GPHN: variants seen among roughly 807,000 people sequenced by gnomAD.
The protein encoded by GPHN is gephyrin.
Under a neutral mutation model 95.5 loss-of-function variants are expected in GPHN, and 17 were observed. The observed-to-expected ratio is 0.18, with a 90% CI of 0.12 to 0.27. The LOEUF is 0.27. GPHN is among the 10% of genes least tolerant of loss of function. GPHN has a pLI of 1.00. For synonymous variants in GPHN, 320 were observed against 322.5 expected (o/e 0.99, Z 0.08); for missense variants, 660 against 978.1 (o/e 0.67, Z 4.34).
chr14:67,079,010 T>C (rs2076594491), intron 11 of GPHN, among the ~76,000 whole-genome samples: 1 of 152,102 alleles, frequency 6.6e-6, no homozygotes, highest in African/African-American at 2.4e-5. Flanking sequence ...TTACCTTAAA[T>C]ATAGCAACCA....
chr14:67,116,229 C>T (rs1595208476), intron 16 of GPHN, among the ~76,000 whole-genome samples: 2 of 150,542 alleles, frequency 1.3e-5, no homozygotes, highest in Admixed American at 6.6e-5. Context: ...ATGACCATTC[C>T]ACTGTACTAC....
intron 1 of GPHN, among the ~76,000 whole-genome samples, chr14:66,622,677 C>T (rs910645051): frequency 6.6e-6 from 1 of 152,156 alleles, no homozygotes; most frequent in Non-Finnish European, 1.5e-5. Flanking sequence ...CAAAGTTCCA[C>T]AGATCTCTGG....
chr14:67,045,909 A>G (rs999862581), intron 10 of GPHN, among the ~76,000 whole-genome samples: 1 of 152,092 alleles, frequency 6.6e-6, no homozygotes, highest in Non-Finnish European at 1.5e-5. Context: ...TGAATTCTTA[A>G]CTTTAGAAAC....
chr14:67,086,062 A>G (rs544898935), intron 11 of GPHN, among the ~76,000 whole-genome samples: 1 of 152,328 alleles, frequency 6.6e-6, no homozygotes, highest in South Asian at 2.1e-4. Flanking sequence ...AAGGCTAAAT[A>G]ATATTTCTGT....
the GPHN span, among the ~76,000 whole-genome samples, chr14:67,328,754 T>G: frequency 6.6e-6 from 1 of 152,248 alleles, no homozygotes; most frequent in African/African-American, 2.4e-5. Context: ...CCATTTCTTC[T>G]TTTTGTCAGG....
At chr14:67,692,305 G>T in the GPHN span, 1 of 855,606 alleles carries the variant, frequency 1.2e-6, no homozygotes, top group Non-Finnish European at 1.8e-6. Flanking sequence ...CAGTGACTAT[G>T]AGTTCAGCTA....
At chr14:67,473,234 C>A in the GPHN span, 1 of 745,708 alleles carries the variant, frequency 1.3e-6, no homozygotes. This position sits in a 1 kb window ranked among gnomAD's most constrained non-coding sequence, Gnocchi z 6.5. Context: ...ACACCCCATC[C>A]CCCAACACCT....
chr14:67,504,706 G>A, the GPHN span, among the ~76,000 whole-genome samples: 1 of 152,152 alleles, frequency 6.6e-6, no homozygotes, highest in Non-Finnish European at 1.5e-5. Flanking sequence ...CCAACTTGGT[G>A]AAACCCTGTC....
chr14:67,204,692 C>G, the GPHN span: 5 of 1,613,920 alleles, frequency 3.1e-6, no homozygotes, highest in Non-Finnish European at 4.2e-6. Flanking sequence ...GCCCTCATCT[C>G]CCTCTTGAAT....
chr14:66,792,098 C>T (rs113382200), intron 3 of GPHN, among the ~76,000 whole-genome samples: 1,889 of 152,228 alleles, frequency 0.012, 18 homozygotes, highest in Non-Finnish European at 0.018. Flanking sequence ...CTCCACCTGG[C>T]GCTGCCCATG....
chr14:67,539,976 G>A, the GPHN span, among the ~76,000 whole-genome samples: 2 of 152,194 alleles, frequency 1.3e-5, no homozygotes, highest in Admixed American at 6.5e-5. Context: ...GGAGAAGCAC[G>A]ATTGGTGATT....
At chr14:66,862,266 A>G (rs2063054224) in intron 4 of GPHN, among the ~76,000 whole-genome samples, 2 of 152,076 alleles carry the variant, frequency 1.3e-5, no homozygotes, top group African/African-American at 4.8e-5. Flanking sequence ...CTAGACAGAT[A>G]CAACCTATCA....
chr14:67,574,053 A>C, the GPHN span, among the ~76,000 whole-genome samples: 2 of 152,196 alleles, frequency 1.3e-5, no homozygotes, highest in African/African-American at 2.4e-5. This position sits in a 1 kb window ranked among gnomAD's most constrained non-coding sequence, Gnocchi z 4.2. Flanking sequence ...GATGAGACAG[A>C]ATATGAGAGA....
At chr14:67,515,630 C>T in the GPHN span, 2 of 152,312 alleles carry the variant, frequency 1.3e-5, no homozygotes, top group African/African-American at 4.8e-5. Context: ...CTGCCAGGGC[C>T]GCGGCGCAGG....
At chr14:67,399,540 TAAAG>T in the GPHN span, among the ~76,000 whole-genome samples, 1 of 141,606 alleles carries the variant, frequency 7.1e-6, no homozygotes, top group African/African-American at 2.7e-5. Flanking sequence ...GTGGCAGAAA[TAAAG>T]AGAAGGGTAG....
intron 15 of GPHN, among the ~76,000 whole-genome samples, chr14:67,112,502 T>C (rs1356371905): frequency 6.6e-6 from 1 of 152,166 alleles, no homozygotes; most frequent in Admixed American, 6.5e-5. Flanking sequence ...CACACCAAGG[T>C]TAATGTACCT....
intron 21 of GPHN, 66 bp from the exon 22 acceptor site, chr14:67,179,512 C>G: frequency 1.1e-6 from 1 of 906,478 alleles, no homozygotes; most frequent in Non-Finnish European, 1.9e-6. Flanking sequence ...ACAACCCCTA[C>G]TATCTTGTAT....
At chr14:67,374,950 G>A in the GPHN span, among the ~76,000 whole-genome samples, 10 of 152,128 alleles carry the variant, frequency 6.6e-5, no homozygotes, top group African/African-American at 1.9e-4. Context: ...TGAGGGTAAC[G>A]GAGACAACCA....
chr14:66,791,617 C>G (rs2059972148), intron 3 of GPHN, among the ~76,000 whole-genome samples: 1 of 152,212 alleles, frequency 6.6e-6, no homozygotes, highest in South Asian at 2.1e-4. Context: ...TGTAAACTGT[C>G]ATGGCATTGG....
Sources: allele counts gnomAD v4.1 joint callset (sites outside exome capture counted in the v4.1 genomes callset), GRCh38; gene constraint gnomAD v4.1.1; non-coding constraint Gnocchi (gnomAD v3.1); transcripts MANE v1.5; gene names NCBI Gene and HGNC (gene_info 2026-07-23, HGNC 2026-07-21).